Variants in EPB41L1 observed in about 807,000 individuals in gnomAD.
The protein encoded by EPB41L1 is band 4.1-like protein 1.
EPB41L1 carries 29 observed loss-of-function variants against 97.8 expected under a neutral mutation model. The ratio of observed to expected loss-of-function variants is 0.30; its 90% CI spans 0.22 to 0.40. EPB41L1 has a LOEUF of 0.40. EPB41L1 is among the 10% of genes least tolerant of loss of function. The pLI is 1.00. For synonymous variants in EPB41L1, 383 were observed against 459.2 expected, an observed-to-expected ratio of 0.83 and a Z score of 2.12; for missense variants, 812 against 1,162.3, an observed-to-expected ratio of 0.70 and a Z score of 4.38.
chr20:36,102,297 G>A (rs1388207541), intron 1 of EPB41L1, among the ~76,000 whole-genome samples: 1 of 152,136 alleles, frequency 6.6e-6, no homozygotes, highest in Non-Finnish European at 1.5e-5. Context: ...GTCCCTAGGA[G>A]AGGATCCACA....
intron 1 of EPB41L1, among the ~76,000 whole-genome samples, chr20:36,110,316 AAGAG>A (rs1411948395): frequency 6.6e-6 from 1 of 152,154 alleles, no homozygotes; most frequent in Non-Finnish European, 1.5e-5. Context: ...AAGAGGGAGA[AAGAG>A]AGAGAGAACT....
At position 36,185,355 on chromosome 20, in the gene EPB41L1, G is replaced by T. The variant is rs1467920957; in HGVS notation, c.785+20G>T. The T allele has an allele frequency of 6.2e-7, 1 of 1,604,184 alleles. No homozygotes were observed. On this transcript the variant is annotated intron_variant, in intron 7 of 21. Coordinates refer to ENST00000338074, the MANE Select transcript of EPB41L1 (RefSeq NM_012156.2). ...ATATAGGTAAGAGGGTGCCAGCCAG[G>T]GCCTTCTGTGGCTCCTTGGCCAGTG...
intron 1 of EPB41L1, among the ~76,000 whole-genome samples, chr20:36,171,581 TG>T (rs1339391485): frequency 1.3e-5 from 2 of 152,208 alleles, no homozygotes; most frequent in Non-Finnish European, 2.9e-5. Flanking sequence ...TTATCCACTC[TG>T]TGGGGGGCTG....
intron 13 of EPB41L1, among the ~76,000 whole-genome samples, chr20:36,197,446 T>C (rs993100264): frequency 6.6e-6 from 1 of 152,214 alleles, no homozygotes; most frequent in African/African-American, 2.4e-5. Flanking sequence ...TGAGTTATTA[T>C]AGCTCTCTGG....
chr20:36,107,567 T>C (rs1413024497), intron 1 of EPB41L1, among the ~76,000 whole-genome samples: 1 of 149,798 alleles, frequency 6.7e-6, no homozygotes, highest in Non-Finnish European at 1.5e-5. Flanking sequence ...TGGTGCCTCA[T>C]GCCTGTAATC....
At chr20:36,094,437 T>C (rs550834267) in intron 1 of EPB41L1, among the ~76,000 whole-genome samples, 2 of 152,298 alleles carry the variant, frequency 1.3e-5, no homozygotes, top group East Asian at 3.9e-4. Context: ...TTGACTGTGA[T>C]ACAAGGGTAG....
intron 2 of EPB41L1, among the ~76,000 whole-genome samples, chr20:36,123,372 C>T (rs754252992): frequency 2.6e-5 from 4 of 152,198 alleles, no homozygotes; most frequent in African/African-American, 4.8e-5. Flanking sequence ...CTCAGTTTCC[C>T]GATCTAACGA....
intron 19 of EPB41L1, 139 bp downstream of exon 19, chr20:36,219,983 C>A: frequency 1.2e-6 from 1 of 824,396 alleles, no homozygotes; most frequent in Non-Finnish European, 2.0e-6. Flanking sequence ...GAATACTGTG[C>A]GCTTTGTCCT....
At chr20:36,102,110 C>T (rs1426510200) in intron 1 of EPB41L1, among the ~76,000 whole-genome samples, 1 of 145,524 alleles carries the variant, frequency 6.9e-6, no homozygotes, top group Non-Finnish European at 1.5e-5. Context: ...GCTCCATGGG[C>T]GGGGTGGGGG....
intron 1 of EPB41L1, among the ~76,000 whole-genome samples, chr20:36,168,657 G>A (rs1462149852): frequency 6.6e-6 from 1 of 151,824 alleles, no homozygotes; most frequent in Non-Finnish European, 1.5e-5. Flanking sequence ...AGCCTCCTGA[G>A]TAGCTGGGAT....
At chr20:36,142,177 C>T (rs1316451509) in intron 2 of EPB41L1, among the ~76,000 whole-genome samples, 4 of 151,448 alleles carry the variant, frequency 2.6e-5, no homozygotes, top group East Asian at 1.9e-4. Flanking sequence ...TCATTTGTTA[C>T]GTACCATTTT....
At position 36,093,794 on chromosome 20, in the gene EPB41L1, C is replaced by G. The variant is rs1016468388; in HGVS notation, c.-65+2182C>G. On this transcript the variant is annotated intron_variant, in intron 1 of 19. Coordinates refer to the EPB41L1 transcript ENST00000202028. The surrounding 1 kb of genome is among the most constrained non-coding windows in gnomAD (Gnocchi z 5.4). ...AGCAGTTTCCAGGCTGGTGACCAGCCGGTTCAGGGATTCATTTCCTGTTGT... is the reference window on the plus strand; with the variant it reads ...AGCAGTTTCCAGGCTGGTGACCAGCGGGTTCAGGGATTCATTTCCTGTTGT... Among the ~76,000 whole-genome samples the G allele has an allele frequency of 1.3e-5, 2 of 152,014 alleles. No homozygotes were observed. Among genetic ancestry groups the G allele is most frequent in the African/African-American group, 4.8e-5 (2 of 41,484 alleles).
intron 1 of EPB41L1, among the ~76,000 whole-genome samples, chr20:36,160,963 G>A (rs948611897): frequency 2.0e-5 from 3 of 152,174 alleles, no homozygotes; most frequent in African/African-American, 7.2e-5. Context: ...TCTAAGTAAC[G>A]CTAACTGAAC....
At chr20:36,155,096 G>C (rs1401890557) in intron 1 of EPB41L1, 200 bp downstream of exon 1, 3 of 532,110 alleles carry the variant, frequency 5.6e-6, no homozygotes, top group Non-Finnish European at 1.0e-5. Flanking sequence ...CTGGAGAGAG[G>C]ATCCGGAGGC....
chr20:36,124,400 C>T (rs981155048), intron 2 of EPB41L1, among the ~76,000 whole-genome samples: 3 of 152,228 alleles, frequency 2.0e-5, no homozygotes, highest in African/African-American at 7.2e-5. Context: ...CTGCCTCCCC[C>T]TTCCAGCCAT....
intron 3 of EPB41L1, 145 bp downstream of exon 3, chr20:36,175,860 C>A (rs1569210770): frequency 2.4e-6 from 2 of 825,192 alleles, no homozygotes; most frequent in Non-Finnish European, 2.0e-6. Context: ...TGGCTCGGAG[C>A]TCCTTTGTAC....
intron 1 of EPB41L1, among the ~76,000 whole-genome samples, chr20:36,095,011 G>A (rs1243122636): frequency 1.3e-5 from 2 of 150,230 alleles, no homozygotes; most frequent in Admixed American, 6.6e-5. Flanking sequence ...CACTCTTGTC[G>A]CCTAGGCTGG....
intron 11 of EPB41L1, among the ~76,000 whole-genome samples, chr20:36,192,531 CA>C (rs57675036): frequency 0.024 from 1,127 of 46,432 alleles, 3 homozygotes; most frequent in African/African-American, 0.067. Context: ...GACTCCGTCT[CA>C]AAAAAAAAAA....
Position 36,173,850 on chromosome 20 carries a change from G to A in EPB41L1, c.73G>A (p.Ala25Thr). 1.2e-6 allele frequency: 2 copies of A among 1,613,432 alleles called. No individual in the cohort carries two copies. Among genetic ancestry groups the A allele is most frequent in the Non-Finnish European group, 1.7e-6 (2 of 1,179,648 alleles). The change falls in exon 2 of 22, where the codon GCT (alanine) becomes ACT (threonine). Residue 25 changes from alanine (A) to threonine (T), a missense_variant. This residue lies in a region of EPB41L1 where 84 missense variants were observed against 94.3 expected (regional missense o/e 0.89). Coordinates refer to ENST00000338074, the MANE Select transcript of EPB41L1 (RefSeq NM_012156.2). ...GGAGGCCCCGCAGCAGCCCGAGGCT[G>A]CTGCCGCTGTGACCACCCCTGTGAC... ...QEEAPQQPEA[A>T]AAVTTPVTPA...
Sources: gnomAD v4.1 joint callset for allele counts (sites outside exome capture counted in the v4.1 genomes callset) on GRCh38, gnomAD v4.1.1 for gene constraint, gnomAD v4.1.1 regional missense constraint, Gnocchi (gnomAD v3.1) non-coding constraint, MANE v1.5 for transcripts, NCBI Gene and HGNC (gene_info 2026-07-23, HGNC 2026-07-21) for gene names.